UNC5C: variants seen among roughly 807,000 people sequenced by gnomAD.
UNC5C encodes the protein unc-5 netrin receptor C.
UNC5C carries 47 observed loss-of-function variants against 99.8 expected under a neutral mutation model. The observed-to-expected ratio is 0.47, with a 90% CI of 0.37 to 0.60. The LOEUF is 0.60. Among genes scored for constraint, UNC5C ranks in the 20% least tolerant of loss-of-function variants. UNC5C has a pLI of 0.00. For missense variants in UNC5C, 1,062 were observed against 1,165.9 expected, an observed-to-expected ratio of 0.91 and a Z score of 1.30; for synonymous variants, 487 against 452.2, an observed-to-expected ratio of 1.08 and a Z score of -0.98.
intron 1 of UNC5C, among the ~76,000 whole-genome samples, chr4:95,423,742 CTCTA>C (rs1460672079): frequency 3.9e-5 from 6 of 152,190 alleles, no homozygotes; most frequent in Non-Finnish European, 7.3e-5. Context: ...AAGGTGCAGA[CTCTA>C]TCTGTGCCCA....
intron 2 of UNC5C, among the ~76,000 whole-genome samples, chr4:95,333,499 C>T (rs1232564454): frequency 6.8e-6 from 1 of 146,444 alleles, no homozygotes; most frequent in African/African-American, 2.5e-5. Context: ...CATGTTCTCA[C>T]TCATAGGTGG....
chr4:95,337,901 C>G (rs775133079), intron 1 of UNC5C, among the ~76,000 whole-genome samples: 2 of 151,936 alleles, frequency 1.3e-5, no homozygotes, highest in Non-Finnish European at 2.9e-5. Context: ...CCTTAGCCAA[C>G]CACAGCATAG....
rs368209058 is a variant in UNC5C, at chr4:95,364,906, ATTCT to A, written c.125-29279_125-29276del. 6.5e-3 allele frequency among the ~76,000 whole-genome samples: 991 copies of A among 152,230 alleles called. 7 individuals carry two copies. Among genetic ancestry groups the A allele is most frequent in the Middle Eastern group, 0.041 (12 of 294 alleles). ...TATGTATTTTTGTAAGCACTGTCAA[ATTCT>A]TTATCAAGAAAGGACACCATAAGCA... On this transcript the variant is annotated intron_variant, in intron 1 of 15. Transcript: ENST00000453304.
chr4:95,182,041 C>G (rs1314810544), intron 14 of UNC5C, among the ~76,000 whole-genome samples: 1 of 152,212 alleles, frequency 6.6e-6, no homozygotes, highest in Non-Finnish European at 1.5e-5. Context: ...AGGCTGCCTT[C>G]TGCCCTTTTG....
chr4:95,283,762 T>G (rs1245366266), intron 3 of UNC5C, among the ~76,000 whole-genome samples: 1 of 152,272 alleles, frequency 6.6e-6, no homozygotes, highest in East Asian at 1.9e-4. Flanking sequence ...TTTAGGATTC[T>G]ACATTCTGCT....
intron 1 of UNC5C, among the ~76,000 whole-genome samples, chr4:95,511,794 G>GA (rs950542500): frequency 5.2e-4 from 79 of 151,036 alleles, no homozygotes; most frequent in African/African-American, 1.7e-3. Flanking sequence ...CAATGCAATG[G>GA]AAAAAAAAAT....
intron 1 of UNC5C, among the ~76,000 whole-genome samples, chr4:95,538,545 T>C (rs758378438): frequency 6.6e-6 from 1 of 152,174 alleles, no homozygotes; most frequent in Non-Finnish European, 1.5e-5. Flanking sequence ...TGTAATGCAT[T>C]ATTATTTATT....
intron 1 of UNC5C, among the ~76,000 whole-genome samples, chr4:95,409,552 A>G (rs942337063): frequency 6.6e-6 from 1 of 152,228 alleles, no homozygotes; most frequent in African/African-American, 2.4e-5. Flanking sequence ...TTGCATTCAC[A>G]ATTGCCTTTT....
At chr4:95,543,206 A>T (rs1174142012) in intron 1 of UNC5C, among the ~76,000 whole-genome samples, 1 of 152,158 alleles carries the variant, frequency 6.6e-6, no homozygotes, top group Non-Finnish European at 1.5e-5. Context: ...AAATCAGGTT[A>T]AAAAAGAAAG....
chr4:95,438,612 G>C lies in UNC5C; in HGVS notation c.125-102981C>G, dbSNP rs553269701. On this transcript the variant is annotated intron_variant, in intron 1 of 15. Transcript: ENST00000453304. ...ATCACTCAAAAATCCTTAAGAGCTA[G>C]GCATACAGTGTACATAGGGTTTGGT... Among the ~76,000 whole-genome samples the C allele has an allele frequency of 6.6e-5, 10 of 152,168 alleles. No individual in the cohort carries two copies. In the East Asian group the frequency reaches 1.9e-3, roughly 29 times the overall value.
At position 95,232,547 on chromosome 4, in the gene UNC5C, A is replaced by G. The variant is rs545826087; in HGVS notation, c.1108+9882T>C. Among the ~76,000 whole-genome samples, 5 of 152,112 alleles carry G rather than the reference A, an allele frequency of 3.3e-5. No homozygotes were observed. In the South Asian group the frequency reaches 1.0e-3, roughly 32 times the overall value. ...ACCTGCACCCCCGTGATCTCGAAGGAGCCCATGCTTTGCTGTAGTTGCTGG... is the reference window on the plus strand; with the variant it reads ...ACCTGCACCCCCGTGATCTCGAAGGGGCCCATGCTTTGCTGTAGTTGCTGG... On this transcript the variant is annotated intron_variant, in intron 7 of 15. Transcript: ENST00000453304.
chr4:95,249,431 T>C (rs1366135356), intron 5 of UNC5C, among the ~76,000 whole-genome samples: 1 of 152,124 alleles, frequency 6.6e-6, no homozygotes, highest in Non-Finnish European at 1.5e-5. Flanking sequence ...ATTCTGGAGG[T>C]AGCATAACCT....
intron 1 of UNC5C, among the ~76,000 whole-genome samples, chr4:95,527,232 C>T (rs1402509880): frequency 1.3e-5 from 2 of 152,068 alleles, no homozygotes; most frequent in African/African-American, 2.4e-5. Context: ...AACAAAAACG[C>T]ATCACACACG....
intron 1 of UNC5C, among the ~76,000 whole-genome samples, chr4:95,377,723 T>C (rs1744938275): frequency 6.6e-6 from 1 of 152,132 alleles, no homozygotes; most frequent in African/African-American, 2.4e-5. Flanking sequence ...GTCTGGGTGG[T>C]GCCAGGGGAA....
At chr4:95,325,879 ACT>A (rs1338145689) in intron 2 of UNC5C, among the ~76,000 whole-genome samples, 1 of 152,084 alleles carries the variant, frequency 6.6e-6, no homozygotes, top group Non-Finnish European at 1.5e-5. Context: ...TACAGCTGAC[ACT>A]CTGAAGCAGC....
chr4:95,477,201 G>A (rs1171526818), intron 1 of UNC5C, among the ~76,000 whole-genome samples: 1 of 151,926 alleles, frequency 6.6e-6, no homozygotes, highest in Admixed American at 6.6e-5. Flanking sequence ...TCCCTCTTGA[G>A]GTCCTGTTTA....
chr4:95,538,948 G>C (rs532744216), intron 1 of UNC5C, among the ~76,000 whole-genome samples: 1 of 152,138 alleles, frequency 6.6e-6, no homozygotes, highest in Admixed American at 6.5e-5. Flanking sequence ...GATAAACCTG[G>C]AAATAAAGCC....
chr4:95,431,583 G>A (rs1240490209), intron 1 of UNC5C, among the ~76,000 whole-genome samples: 1 of 151,922 alleles, frequency 6.6e-6, no homozygotes, highest in East Asian at 1.9e-4. Flanking sequence ...ACTTTACATG[G>A]GAGTAGAACC....
At chr4:95,371,339 C>T (rs1744741448) in intron 1 of UNC5C, among the ~76,000 whole-genome samples, 1 of 150,396 alleles carries the variant, frequency 6.6e-6, no homozygotes, top group African/African-American at 2.4e-5. Flanking sequence ...CCCCACTGTA[C>T]ATAAGGCAGA....
Sources: allele counts gnomAD v4.1 joint callset (sites outside exome capture counted in the v4.1 genomes callset), GRCh38; gene constraint gnomAD v4.1.1; transcripts MANE v1.5; gene names NCBI Gene and HGNC (gene_info 2026-07-23, HGNC 2026-07-21).